Variants in GRID2 observed in about 807,000 individuals in gnomAD.
The protein encoded by GRID2 is glutamate receptor ionotropic, delta-2.
In GRID2, 33 loss-of-function variants were observed where a neutral mutation model predicts 114.8. The observed-to-expected ratio is 0.29, with a 90% confidence interval of 0.22 to 0.38. The LOEUF is 0.38. Among genes scored for constraint, GRID2 ranks in the 10% least tolerant of loss-of-function variants. GRID2 has a pLI of 1.00. For missense variants in GRID2, 1,184 were observed against 1,257.7 expected, an observed-to-expected ratio of 0.94 and a Z score of 0.89; for synonymous variants, 505 against 449.9, an observed-to-expected ratio of 1.12 and a Z score of -1.55.
At chr4:93,083,934 G>A (rs1312489429) in intron 2 of GRID2, among the ~76,000 whole-genome samples, 1 of 151,748 alleles carries the variant, frequency 6.6e-6, no homozygotes, top group East Asian at 1.9e-4. Context: ...TTCATTAACT[G>A]GCCAGTTAAT....
chr4:93,171,222 C>T (rs928454803), intron 4 of GRID2, among the ~76,000 whole-genome samples: 1 of 152,124 alleles, frequency 6.6e-6, no homozygotes, highest in African/African-American at 2.4e-5. Flanking sequence ...CACTTGGCTC[C>T]AGCAATACAG....
intron 1 of GRID2, among the ~76,000 whole-genome samples, chr4:92,366,772 A>G (rs533888727): frequency 4.6e-5 from 7 of 152,176 alleles, no homozygotes; most frequent in African/African-American, 1.7e-4. Context: ...CTTGGCAATG[A>G]TTTTTGATAT....
At chr4:93,680,794 T>C (rs1273151799) in intron 14 of GRID2, among the ~76,000 whole-genome samples, 2 of 152,110 alleles carry the variant, frequency 1.3e-5, no homozygotes, top group Non-Finnish European at 2.9e-5. Context: ...TAATAAGAGC[T>C]ATCTGTGACA....
chr4:93,332,093 A>T (rs1225639268), intron 8 of GRID2, among the ~76,000 whole-genome samples: 1 of 152,116 alleles, frequency 6.6e-6, no homozygotes, highest in Non-Finnish European at 1.5e-5. Context: ...TTCAGAACAC[A>T]GAATGTATTG....
rs1361470996 is a variant in GRID2, at chr4:92,313,492, AAAT to A, written c.88+8757_88+8759del. On this transcript the variant is annotated intron_variant, in intron 1 of 15. Transcript: ENST00000282020. ...GGGAAAAGTAAAATTAAAAGAAAGA[AAAT>A]AATAATAAAATAAATAAAAATAAAG... is the stretch of plus-strand genomic sequence containing the variant. 1.5e-4 allele frequency among the ~76,000 whole-genome samples: 23 copies of A among 152,084 alleles called. No individual in the cohort carries two copies. In the East Asian group the frequency reaches 2.1e-3, roughly 14 times the overall value.
rs56377823 is a variant in GRID2 at position 92,354,153 on chromosome 4, G to A, written c.88+49409G>A. Among the ~76,000 whole-genome samples the A allele has an allele frequency of 5.5e-3, 833 of 152,052 alleles. 1 individual carries two copies. Among genetic ancestry groups the A allele is most frequent in the Middle Eastern group, 0.02 (6 of 294 alleles). ...GCTGCCTCCAGAACCAGGGACCAGC[G>A]TTCCTCACTGGGAACATGGGCTAAT... On this transcript the variant is annotated intron_variant, in intron 1 of 15. Transcript: ENST00000282020.
At chr4:93,465,390 A>G (rs1162606066) in intron 11 of GRID2, among the ~76,000 whole-genome samples, 1 of 152,228 alleles carries the variant, frequency 6.6e-6, no homozygotes, top group Non-Finnish European at 1.5e-5. Context: ...TAACATAAAT[A>G]TCTAACTAAA....
chr4:93,780,283 G>A (rs1734453640), intron 1 of GRID2, among the ~76,000 whole-genome samples: 1 of 152,178 alleles, frequency 6.6e-6, no homozygotes, highest in South Asian at 2.1e-4. Flanking sequence ...TGCTGTCTGG[G>A]GAAAACGCAT....
intron 8 of GRID2, among the ~76,000 whole-genome samples, chr4:93,312,085 C>T (rs1048155825): frequency 1.3e-5 from 2 of 152,074 alleles, no homozygotes; most frequent in Admixed American, 6.6e-5. Context: ...AAGGTAAATA[C>T]ACCCTTTCAT....
chr4:93,356,176 C>G (rs1210738462), intron 8 of GRID2, among the ~76,000 whole-genome samples: 1 of 152,044 alleles, frequency 6.6e-6, no homozygotes, highest in East Asian at 1.9e-4. Context: ...TGTTGAGCAC[C>G]TCCAATGGGT....
chr4:92,453,179 A>T (rs1048856610), intron 1 of GRID2, among the ~76,000 whole-genome samples: 2 of 152,206 alleles, frequency 1.3e-5, no homozygotes, highest in East Asian at 3.9e-4. Flanking sequence ...GAAATAAAGG[A>T]GGCAGGAAGA....
intron 1 of GRID2, among the ~76,000 whole-genome samples, chr4:92,351,661 C>T (rs980754690): frequency 6.6e-6 from 1 of 151,804 alleles, no homozygotes; most frequent in Non-Finnish European, 1.5e-5. Context: ...TCTCTTCCCT[C>T]CCATTTACTA....
In GRID2 at chr4:93,306,437, G is replaced by A. The variant is rs988448532; in HGVS notation, c.1245+67947G>A. The A allele has an allele frequency of 3.1e-4, 47 of 152,228 alleles. 2 individuals carry two copies. The highest frequency in any genetic ancestry group is 1.0e-4 in the Non-Finnish European group (7 of 68,044). 9.4% of individuals were successfully genotyped at this position (152,228 alleles called of 1,614,324 possible). On this transcript the variant is annotated intron_variant, in intron 8 of 15. Transcript: ENST00000282020. ...CTGGAGGCAGAGATGTGACATGGGA[G>A]AGGAAGGGAAGGTGGAAGAAAATTA...
chr4:93,466,850 G>A (rs149198014), intron 11 of GRID2, among the ~76,000 whole-genome samples: 81 of 152,292 alleles, frequency 5.3e-4, no homozygotes, highest in African/African-American at 1.7e-3. Flanking sequence ...GAAACTGAAA[G>A]CAGTCTTGTC....
At chr4:92,972,203 A>ATTTTTTTT (rs748827964) in intron 2 of GRID2, among the ~76,000 whole-genome samples, 1 of 140,382 alleles carries the variant, frequency 7.1e-6, no homozygotes. Flanking sequence ...CTTTGCTAGC[A>ATTTTTTTT]TTTTTTTTTT....
intron 1 of GRID2, among the ~76,000 whole-genome samples, chr4:92,583,892 T>C (rs930201078): frequency 4.2e-5 from 6 of 143,352 alleles, no homozygotes; most frequent in Non-Finnish European, 7.6e-5. Flanking sequence ...TATGTGCATA[T>C]ATATGTGTAT....
At chr4:92,317,282 C>T (rs1292463524) in intron 1 of GRID2, among the ~76,000 whole-genome samples, 2 of 152,110 alleles carry the variant, frequency 1.3e-5, no homozygotes, top group African/African-American at 4.8e-5. Flanking sequence ...GACTTTTGAC[C>T]ATGACAGAAT....
At chr4:93,359,894 A>T (rs944513135) in intron 8 of GRID2, among the ~76,000 whole-genome samples, 3 of 146,912 alleles carry the variant, frequency 2.0e-5, no homozygotes, top group East Asian at 4.0e-4. Flanking sequence ...AAAAAAAAAA[A>T]AAAAAAATGG....
At chr4:92,819,412 G>C (rs1381439837) in intron 2 of GRID2, among the ~76,000 whole-genome samples, 1 of 152,034 alleles carries the variant, frequency 6.6e-6, no homozygotes. Flanking sequence ...CACATGTATG[G>C]GGGCGGCATG....
Sources: allele counts gnomAD v4.1 joint callset (sites outside exome capture counted in the v4.1 genomes callset), GRCh38; gene constraint gnomAD v4.1.1; transcripts MANE v1.5; gene names NCBI Gene and HGNC (gene_info 2026-07-23, HGNC 2026-07-21).